Variants in PTPN13 observed in about 807,000 individuals in gnomAD.
PTPN13 encodes tyrosine-protein phosphatase non-receptor type 13.
Under a neutral mutation model 284.0 loss-of-function variants are expected in PTPN13, and 191 were observed. That is an observed-to-expected ratio of 0.67 (90% CI 0.60 to 0.76). The LOEUF is 0.76. PTPN13 is among the 30% of genes least tolerant of loss of function. The pLI is 0.00. For synonymous variants in PTPN13, 986 were observed against 1,022.3 expected, an observed-to-expected ratio of 0.96 and a Z score of 0.68; for missense variants, 2,797 against 2,939.9, an observed-to-expected ratio of 0.95 and a Z score of 1.12.
At chr4:86,649,684 T>C (rs529839295) in intron 2 of PTPN13, among the ~76,000 whole-genome samples, 2 of 152,324 alleles carry the variant, frequency 1.3e-5, no homozygotes, top group African/African-American at 4.8e-5. Flanking sequence ...TTGTTCTTCT[T>C]GTTCAAGATT....
intron 2 of PTPN13, among the ~76,000 whole-genome samples, chr4:86,656,743 C>T (rs1725869307): frequency 6.6e-6 from 1 of 152,236 alleles, no homozygotes; most frequent in African/African-American, 2.4e-5. Context: ...CCACTGCTCT[C>T]TTCAAAGCTG....
intron 10 of PTPN13, among the ~76,000 whole-genome samples, chr4:86,723,236 G>A (rs376604603): frequency 3.3e-5 from 5 of 152,284 alleles, no homozygotes; most frequent in South Asian, 2.1e-4. Context: ...GCTGTTGAAA[G>A]TAATGCTCTA....
intron 1 of PTPN13, among the ~76,000 whole-genome samples, chr4:86,625,242 C>A (rs1172684670): frequency 6.6e-6 from 1 of 152,076 alleles, no homozygotes; most frequent in Admixed American, 6.6e-5. Context: ...TCTTCTCTTC[C>A]CCTTCTCTGG....
chr4:86,765,488 G>A lies in PTPN13; in HGVS notation c.4243G>A (p.Gly1415Ser), dbSNP rs147245492. 13 of 1,568,530 alleles carry A rather than the reference G, an allele frequency of 8.3e-6. No homozygotes were observed. Among genetic ancestry groups the A allele is most frequent in the Non-Finnish European group, 1.7e-6 (2 of 1,153,834 alleles). Residue 1415 changes from glycine (G) to serine (S), a missense_variant and splice_region_variant, in exon 26 of 48, where the codon GGT becomes AGT. By Grantham distance (56) the Gly-to-Ser change is moderately conservative (BLOSUM62 0). Transcript: ENST00000411767. ...AAESDGRIHK[G>S]DRVLAVNGVS... ...AGAGTCTGATGGTAGAATTCACAAA[G>A]GTATAGTGTTTATATTATGTGGGAA...
rs570235420 is a variant in PTPN13 at position 86,733,542 on chromosome 4, C to T, written c.1859-761C>T. Among the ~76,000 whole-genome samples the T allele has an allele frequency of 7.2e-5, 11 of 152,134 alleles. No individual in the cohort carries two copies. In the East Asian group the frequency reaches 2.1e-3, roughly 29 times the overall value. ...AAAAGAAATATTTCCCTCAATATAG[C>T]TTATTGAATTATTGTGCCTTAAAAA... On this transcript the variant is annotated intron_variant, in intron 12 of 47. Transcript: ENST00000411767.
intron 3 of PTPN13, among the ~76,000 whole-genome samples, chr4:86,683,465 G>T (rs1311999296): frequency 1.3e-5 from 2 of 152,152 alleles, no homozygotes; most frequent in African/African-American, 4.8e-5. Flanking sequence ...ACTCAGAGGA[G>T]AGTTGACCTT....
chr4:86,670,832 G>T (rs1207152222), intron 2 of PTPN13, among the ~76,000 whole-genome samples: 3 of 152,120 alleles, frequency 2.0e-5, no homozygotes, highest in African/African-American at 7.2e-5. Flanking sequence ...CTAAGAGGCG[G>T]CTTTTAACAG....
intron 3 of PTPN13, among the ~76,000 whole-genome samples, chr4:86,684,380 TTATCTA>T (rs1286526236): frequency 1.3e-5 from 2 of 152,062 alleles, no homozygotes; most frequent in Non-Finnish European, 2.9e-5. Flanking sequence ...CAACAGAAAA[TTATCTA>T]GATGTGCCTA....
At chr4:86,725,373 G>A (rs1178562581) in intron 10 of PTPN13, among the ~76,000 whole-genome samples, 1 of 149,292 alleles carries the variant, frequency 6.7e-6, no homozygotes, top group African/African-American at 2.4e-5. Flanking sequence ...TCTAGTTCTA[G>A]ATTCTTGAGT....
chr4:86,722,192 G>C lies in PTPN13; in HGVS notation c.1386-20G>C. Reference sequence around the variant, plus strand: ...ATTGTTTTCCTCCCAATCCTCACCTGTCTCCTCTTTTCTATATAGCAGACA... The same window carrying C: ...ATTGTTTTCCTCCCAATCCTCACCTCTCTCCTCTTTTCTATATAGCAGACA... On this transcript the variant is annotated intron_variant, in intron 9 of 47. Coordinates refer to ENST00000411767, the MANE Select transcript of PTPN13 (RefSeq NM_080683.3). 3 of 1,581,582 alleles carry C rather than the reference G, an allele frequency of 1.9e-6. No individual in the cohort carries two copies. The highest frequency in any genetic ancestry group is 1.7e-6 in the Non-Finnish European group (2 of 1,150,958).
chr4:86,738,471 C>A (rs1735777834), intron 15 of PTPN13, among the ~76,000 whole-genome samples: 1 of 152,086 alleles, frequency 6.6e-6, no homozygotes, highest in African/African-American at 2.4e-5. Context: ...TTTATGTTGA[C>A]CAATCTTTTC....
chr4:86,706,449 T>C (rs1731776608), intron 7 of PTPN13, among the ~76,000 whole-genome samples: 4 of 152,300 alleles, frequency 2.6e-5, no homozygotes, highest in African/African-American at 9.6e-5. Context: ...TAGGAAAGGC[T>C]AAAATGAGGC....
intron 9 of PTPN13, among the ~76,000 whole-genome samples, chr4:86,717,587 A>G (rs940153216): frequency 1.3e-5 from 2 of 152,058 alleles, no homozygotes; most frequent in Admixed American, 6.6e-5. Context: ...AAATTCATCA[A>G]TTATATGAAA....
intron 1 of PTPN13, among the ~76,000 whole-genome samples, chr4:86,615,073 G>A (rs575296135): frequency 7.9e-5 from 12 of 152,176 alleles, no homozygotes; most frequent in African/African-American, 2.9e-4. Flanking sequence ...GGAATTAATG[G>A]ACCTATTAGT....
At chr4:86,814,316 T>G (rs897088336) in intron 47 of PTPN13, 140 bp from the exon 48 acceptor site, 1 of 552,568 alleles carries the variant, frequency 1.8e-6, no homozygotes, top group Non-Finnish European at 3.1e-6. Flanking sequence ...ACACCCTGTT[T>G]CTTGCATTCA....
At chr4:86,797,877 T>C (rs1368635742) in intron 41 of PTPN13, among the ~76,000 whole-genome samples, 1 of 151,742 alleles carries the variant, frequency 6.6e-6, no homozygotes, top group Non-Finnish European at 1.5e-5. Flanking sequence ...AGGGAAAGGG[T>C]TTTTATCTAT....
chr4:86,657,008 G>A lies in PTPN13; in HGVS notation c.116-15357G>A, dbSNP rs537370604. On this transcript the variant is annotated intron_variant, in intron 2 of 47. Transcript: ENST00000411767. ...TAGCAGTGAGCGAGGCTCTGTGGGC[G>A]TGGGAGCCTCCAAGCCAGGAGCAGG... Among the ~76,000 whole-genome samples the A allele has an allele frequency of 9.2e-5, 14 of 152,310 alleles. No individual in the cohort carries two copies. The South Asian group carries it at 1.2e-3, about 14-fold the overall frequency.
intron 1 of PTPN13, among the ~76,000 whole-genome samples, chr4:86,628,999 G>C (rs938409404): frequency 6.6e-6 from 1 of 151,852 alleles, no homozygotes; most frequent in African/African-American, 2.4e-5. Context: ...ATGATTTATA[G>C]TCCTTTGGGT....
intron 46 of PTPN13, 73 bp from the exon 47 acceptor site, chr4:86,810,973 C>T: frequency 7.0e-7 from 1 of 1,419,854 alleles, no homozygotes; most frequent in Non-Finnish European, 9.8e-7. Flanking sequence ...CATAAGCCTC[C>T]CCTCTGTGAT....
Sources: allele counts gnomAD v4.1 joint callset (sites outside exome capture counted in the v4.1 genomes callset), GRCh38; gene constraint gnomAD v4.1.1; transcripts MANE v1.5; gene names NCBI Gene and HGNC (gene_info 2026-07-23, HGNC 2026-07-21).